Variants in RAPGEF1 observed in about 807,000 individuals in gnomAD.
RAPGEF1 encodes Rap guanine nucleotide exchange factor 1.
In RAPGEF1, 33 loss-of-function variants were observed where a neutral mutation model predicts 143.3. The ratio of observed to expected loss-of-function variants is 0.23; its 90% CI spans 0.17 to 0.31. The LOEUF is 0.31. RAPGEF1 is among the 10% of genes least tolerant of loss of function. The pLI, the probability that RAPGEF1 is intolerant of heterozygous loss-of-function variation, is 1.00. For missense variants in RAPGEF1, 1,199 were observed against 1,645.4 expected, an observed-to-expected ratio of 0.73 and a Z score of 4.69; for synonymous variants, 629 against 676.5, an observed-to-expected ratio of 0.93 and a Z score of 1.09.
At chr9:131,603,884 G>A in intron 14 of RAPGEF1, 77 bp downstream of exon 14, 1 of 887,286 alleles carries the variant, frequency 1.1e-6, no homozygotes, top group South Asian at 1.5e-5. Flanking sequence ...CAGGTGCGGG[G>A]GAAGCGGCCT....
intron 9 of RAPGEF1, among the ~76,000 whole-genome samples, chr9:131,627,530 G>C (rs1963589398): frequency 1.3e-5 from 2 of 152,186 alleles, no homozygotes; most frequent in African/African-American, 4.8e-5. Flanking sequence ...TAACGAGAAG[G>C]CCGGCTCGCG....
chr9:131,699,598 G>A (rs1668794420), intron 1 of RAPGEF1, among the ~76,000 whole-genome samples: 1 of 152,166 alleles, frequency 6.6e-6, no homozygotes. Flanking sequence ...TGAATGCCAA[G>A]GCCAAGTCTT....
chr9:131,634,974 A>T (rs1014475192), intron 5 of RAPGEF1, among the ~76,000 whole-genome samples: 10 of 152,128 alleles, frequency 6.6e-5, no homozygotes, highest in African/African-American at 2.2e-4. Flanking sequence ...TAAATTCCTC[A>T]GATTTCCTTC....
At chr9:131,602,000 AG>A (rs3842210) in intron 15 of RAPGEF1, 60 bp downstream of exon 15, 604,098 of 1,261,278 alleles carry the variant, frequency 0.48, 147,575 homozygotes, top group African/African-American at 0.7. Flanking sequence ...CTGCTCAGGC[AG>A]GCCTCATGAG....
chr9:131,699,777 C>T (rs752046882), intron 1 of RAPGEF1, among the ~76,000 whole-genome samples: 12 of 152,190 alleles, frequency 7.9e-5, no homozygotes, highest in Non-Finnish European at 1.2e-4. Flanking sequence ...CTCATCTCCT[C>T]CACCTCCTAA....
intron 3 of RAPGEF1, among the ~76,000 whole-genome samples, chr9:131,644,927 A>G (rs1360257982): frequency 6.6e-6 from 1 of 152,268 alleles, no homozygotes; most frequent in East Asian, 1.9e-4. Flanking sequence ...TAGTCAGACA[A>G]TGCACAAAAG....
chr9:131,647,269 CAG>C (rs1258136107), intron 3 of RAPGEF1, among the ~76,000 whole-genome samples: 1 of 152,168 alleles, frequency 6.6e-6, no homozygotes, highest in African/African-American at 2.4e-5. Context: ...GTGAGAAAAA[CAG>C]ATTTTGATCA....
chr9:131,684,914 G>A (rs941099006), intron 1 of RAPGEF1, among the ~76,000 whole-genome samples: 14 of 152,166 alleles, frequency 9.2e-5, no homozygotes, highest in African/African-American at 3.4e-4. Flanking sequence ...ACTGTCATGA[G>A]CAACACCCGT....
chr9:131,712,421 A>G (rs1263381391), intron 1 of RAPGEF1, among the ~76,000 whole-genome samples: 10 of 152,172 alleles, frequency 6.6e-5, no homozygotes, highest in Non-Finnish European at 2.9e-5. Context: ...TCTAATCCAT[A>G]AACAACCTCT....
chr9:131,648,297 G>C (rs1258262847), intron 3 of RAPGEF1, among the ~76,000 whole-genome samples: 1 of 152,214 alleles, frequency 6.6e-6, no homozygotes, highest in African/African-American at 2.4e-5. Flanking sequence ...TGGCTGAGGC[G>C]GGAGAATTGC....
chr9:131,713,841 T>C (rs2131229513), intron 1 of RAPGEF1, among the ~76,000 whole-genome samples: 1 of 152,258 alleles, frequency 6.6e-6, no homozygotes, highest in Admixed American at 6.5e-5. Flanking sequence ...ACACAGCAGA[T>C]ACTCAATGAG....
Position 131,667,975 on chromosome 9 carries a change from C to A in RAPGEF1, c.62-17026G>T, listed in dbSNP as rs905278680. Among the ~76,000 whole-genome samples the A allele has an allele frequency of 6.6e-6, 1 of 152,216 alleles. No homozygotes were observed. Among genetic ancestry groups the A allele is most frequent in the Non-Finnish European group, 1.5e-5 (1 of 68,036 alleles). ...CCACCAGACCGTTCAAAAATATACT[C>A]CTTTTTGGGATAAATGCCACCATCT... On this transcript the variant is annotated intron_variant, in intron 1 of 26. Transcript: ENST00000683357. The surrounding 1 kb of genome is among the most constrained non-coding windows in gnomAD (Gnocchi z 4.6).
At chr9:131,692,573 C>T (rs11243473) in intron 1 of RAPGEF1, among the ~76,000 whole-genome samples, 14,956 of 152,214 alleles carry the variant, frequency 0.098, 1,112 homozygotes, top group African/African-American at 0.2. Flanking sequence ...GTTATAATCA[C>T]AGGCAGTCAA....
chr9:131,681,824 TC>T (rs1339220998), intron 1 of RAPGEF1, among the ~76,000 whole-genome samples: 1 of 152,138 alleles, frequency 6.6e-6, no homozygotes, highest in East Asian at 1.9e-4. Flanking sequence ...ACAATACCCT[TC>T]CTTTAGTGCT....
intron 20 of RAPGEF1, 119 bp from the exon 21 acceptor site, chr9:131,588,145 A>G: frequency 2.3e-6 from 2 of 880,830 alleles, no homozygotes; most frequent in Non-Finnish European, 3.6e-6. Flanking sequence ...AGGAGCGTGG[A>G]GGCTACAGGG....
chr9:131,622,084 G>A, intron 10 of RAPGEF1, 86 bp from the exon 11 acceptor site: 1 of 1,336,448 alleles, frequency 7.5e-7, no homozygotes, highest in Non-Finnish European at 1.0e-6. Context: ...CAGCAGCTAG[G>A]GGGCTTTCCA....
intron 1 of RAPGEF1, among the ~76,000 whole-genome samples, chr9:131,669,606 G>A (rs1006959508): frequency 2.6e-5 from 4 of 152,152 alleles, no homozygotes; most frequent in African/African-American, 7.2e-5. Flanking sequence ...AGGAGAAAGC[G>A]TCAACTCGCC....
At chr9:131,664,217 G>A (rs887136412) in intron 1 of RAPGEF1, among the ~76,000 whole-genome samples, 3 of 152,018 alleles carry the variant, frequency 2.0e-5, no homozygotes, top group Non-Finnish European at 2.9e-5. Context: ...GAATCACCCC[G>A]TACCTTCCCT....
intron 13 of RAPGEF1, 117 bp downstream of exon 13, chr9:131,604,814 A>C: frequency 8.4e-7 from 1 of 1,186,240 alleles, no homozygotes; most frequent in Non-Finnish European, 1.1e-6. Context: ...CCCAACTGCT[A>C]GTAAAGGGGA....
Sources: allele counts gnomAD v4.1 joint callset (sites outside exome capture counted in the v4.1 genomes callset), GRCh38; gene constraint gnomAD v4.1.1; non-coding constraint Gnocchi (gnomAD v3.1); transcripts MANE v1.5; gene names NCBI Gene and HGNC (gene_info 2026-07-23, HGNC 2026-07-21).